The following MYO18B variants were observed in gnomAD, a reference collection of about 807,000 sequenced individuals.
The protein encoded by MYO18B is myosin XVIIIB.
Under a neutral mutation model 273.0 loss-of-function variants are expected in MYO18B, and 204 were observed. The observed-to-expected ratio is 0.75, with a 90% CI of 0.67 to 0.84. MYO18B has a LOEUF of 0.84. Ranked by LOEUF, MYO18B falls within the 40% of genes least tolerant of loss-of-function variation. The pLI, the probability that MYO18B is intolerant of heterozygous loss-of-function variation, is 0.00. For synonymous variants in MYO18B, 1,330 were observed against 1,305.7 expected (o/e 1.02, Z -0.40); for missense variants, 3,212 against 3,287.6 (o/e 0.98, Z 0.56).
At chr22:25,932,936 A>G (rs752718328) in intron 34 of MYO18B, among the ~76,000 whole-genome samples, 42 of 151,726 alleles carry the variant, frequency 2.8e-4, no homozygotes, top group Admixed American at 2.0e-4. Flanking sequence ...TTATTATCTG[A>G]CCCCTGATTT....
chr22:25,880,627 C>A (rs1429824844), intron 25 of MYO18B, among the ~76,000 whole-genome samples: 9 of 152,214 alleles, frequency 5.9e-5, no homozygotes, highest in Non-Finnish European at 1.5e-5. Flanking sequence ...ATATGAACAT[C>A]TCCCATGTGT....
rs533763005 is a variant in MYO18B, at chr22:25,771,004, G to A, written c.1692+20G>A. 2.8e-5 allele frequency: 43 copies of A among 1,519,138 alleles called. No individual in the cohort carries two copies. Among genetic ancestry groups the A allele is most frequent in the Middle Eastern group, 3.4e-4 (2 of 5,892 alleles). The allele number at this position is 1,519,138 out of a possible 1,614,324, so 94.1% of individuals were successfully genotyped here. On this transcript the variant is annotated intron_variant, in intron 6 of 43. Coordinates refer to ENST00000335473, the MANE Select transcript of MYO18B (RefSeq NM_032608.7). ...CATCGGGTGAGTCCCCTGTCCCGCCGTCCCCCAGCATGAGTCCCCTGTCCC... is the reference window on the plus strand; with the variant it reads ...CATCGGGTGAGTCCCCTGTCCCGCCATCCCCCAGCATGAGTCCCCTGTCCC...
At chr22:25,855,384 C>A (rs745801457) in intron 21 of MYO18B, among the ~76,000 whole-genome samples, 80 of 150,276 alleles carry the variant, frequency 5.3e-4, no homozygotes, top group Non-Finnish European at 8.9e-4. Flanking sequence ...CCCGGGTTCA[C>A]ACCATTCTTC....
At position 25,969,829 on chromosome 22, in the gene MYO18B, C is replaced by T. The variant is rs190191980; in HGVS notation, c.6156+14465C>T. Among the ~76,000 whole-genome samples, 6 of 152,354 alleles carry T rather than the reference C, an allele frequency of 3.9e-5. No individual in the cohort carries two copies. In the East Asian group the frequency reaches 1.2e-3, roughly 29 times the overall value. ...CATAAAATGGAGACAATTATTGCAACTGCTTCACAGCATTGTGGGGATTAC... is the reference window on the plus strand; with the variant it reads ...CATAAAATGGAGACAATTATTGCAATTGCTTCACAGCATTGTGGGGATTAC... On this transcript the variant is annotated intron_variant, in intron 39 of 43. Transcript: ENST00000335473.
chr22:26,039,628 A>T, the MYO18B span, among the ~76,000 whole-genome samples: 68 of 140,918 alleles, frequency 4.8e-4, 1 homozygote, highest in South Asian at 1.9e-3. Flanking sequence ...TTTTTGTTTT[A>T]GTTATATATG....
intron 30 of MYO18B, 97 bp from the exon 31 acceptor site, chr22:25,903,534 A>G (rs2146347612): frequency 7.7e-7 from 1 of 1,292,768 alleles, no homozygotes; most frequent in Non-Finnish European, 1.1e-6. Flanking sequence ...AAAGTGGAAA[A>G]CGCCACTCCA....
intron 12 of MYO18B, among the ~76,000 whole-genome samples, chr22:25,815,678 A>G (rs1179245540): frequency 6.6e-6 from 1 of 152,144 alleles, no homozygotes; most frequent in Non-Finnish European, 1.5e-5. Context: ...CTTCTTGATC[A>G]AATTAGTTTG....
chr22:25,937,989 T>C (rs1048199378), intron 34 of MYO18B, among the ~76,000 whole-genome samples: 1 of 152,232 alleles, frequency 6.6e-6, no homozygotes, highest in South Asian at 2.1e-4. Flanking sequence ...ATGTTGAAGG[T>C]TGGTTCTTTC....
intron 21 of MYO18B, among the ~76,000 whole-genome samples, chr22:25,855,762 A>G (rs2090553183): frequency 6.6e-6 from 1 of 151,884 alleles, no homozygotes; most frequent in South Asian, 2.1e-4. Flanking sequence ...CTTCAGCTAT[A>G]TGCCCAGTAA....
chr22:25,869,089 G>A (rs1295104435), intron 22 of MYO18B, among the ~76,000 whole-genome samples: 1 of 152,104 alleles, frequency 6.6e-6, no homozygotes, highest in Non-Finnish European at 1.5e-5. Context: ...TTTGGGAAGT[G>A]GGGCACGGAG....
chr22:25,924,788 A>T (rs1364743916), intron 34 of MYO18B, among the ~76,000 whole-genome samples: 1 of 152,122 alleles, frequency 6.6e-6, no homozygotes, highest in Non-Finnish European at 1.5e-5. Flanking sequence ...ATATCCTTAG[A>T]AGGCTAATGC....
At chr22:25,828,641 A>G in intron 14 of MYO18B, 135 bp from the exon 15 acceptor site, 1 of 748,206 alleles carries the variant, frequency 1.3e-6, no homozygotes, top group Non-Finnish European at 2.2e-6. Flanking sequence ...CAGAGAGGTT[A>G]AGTAGCTTGC....
At chr22:25,956,350 G>T (rs890476717) in intron 39 of MYO18B, among the ~76,000 whole-genome samples, 1 of 151,824 alleles carries the variant, frequency 6.6e-6, no homozygotes, top group African/African-American at 2.4e-5. Context: ...TGAGTAGCTG[G>T]GACTACGGGC....
intron 39 of MYO18B, among the ~76,000 whole-genome samples, chr22:25,967,801 A>G (rs1398505258): frequency 6.6e-6 from 1 of 152,210 alleles, no homozygotes; most frequent in Admixed American, 6.5e-5. Flanking sequence ...TGATGCCAAC[A>G]GGCTGAATTC....
the MYO18B span, among the ~76,000 whole-genome samples, chr22:26,049,088 GA>G: frequency 3.6e-4 from 55 of 150,782 alleles, 1 homozygote; most frequent in African/African-American, 1.3e-3. Flanking sequence ...TCTAAAATCT[GA>G]AAAAAAAAGA....
chr22:25,908,517 C>A, intron 32 of MYO18B, 85 bp downstream of exon 32: 1 of 1,164,948 alleles, frequency 8.6e-7, no homozygotes. Context: ...AGGAGTAGGA[C>A]AGGGTCTGGG....
intron 12 of MYO18B, among the ~76,000 whole-genome samples, chr22:25,816,061 G>A (rs977071965): frequency 5.9e-5 from 9 of 152,198 alleles, no homozygotes; most frequent in Admixed American, 5.2e-4. Context: ...GGCACCTGAG[G>A]GCAGCAGGAC....
At chr22:25,935,961 G>A (rs1300106119) in intron 34 of MYO18B, among the ~76,000 whole-genome samples, 3 of 152,208 alleles carry the variant, frequency 2.0e-5, no homozygotes, top group Non-Finnish European at 4.4e-5. Flanking sequence ...CACTGATGCT[G>A]CTGAGCTCAC....
chr22:25,971,757 A>C (rs1193617782), intron 39 of MYO18B, among the ~76,000 whole-genome samples: 2 of 152,128 alleles, frequency 1.3e-5, no homozygotes, highest in African/African-American at 2.4e-5. Flanking sequence ...TTGTTTAGAG[A>C]GAGTAGTTTT....
Sources: gnomAD v4.1 joint callset for allele counts (sites outside exome capture counted in the v4.1 genomes callset) on GRCh38, gnomAD v4.1.1 for gene constraint, MANE v1.5 for transcripts, NCBI Gene and HGNC (gene_info 2026-07-23, HGNC 2026-07-21) for gene names.